The following UNC5D variants were observed in gnomAD, a reference collection of about 807,000 sequenced individuals.
UNC5D encodes the protein netrin receptor UNC5D.
A neutral mutation model predicts 105.4 loss-of-function variants in UNC5D; 39 were observed. The observed-to-expected ratio is 0.37, with a 90% CI of 0.29 to 0.48. The LOEUF (loss-of-function observed/expected upper bound fraction) is 0.48. Ranked by LOEUF, UNC5D falls within the 20% of genes least tolerant of loss-of-function variation. The pLI, the probability that UNC5D is intolerant of heterozygous loss-of-function variation, is 0.98. For synonymous variants in UNC5D, 452 were observed against 450.4 expected (o/e 1.00, Z -0.04); for missense variants, 991 against 1,202.4 (o/e 0.82, Z 2.60).
chr8:35,246,678 C>A lies in UNC5D; in HGVS notation c.103+10791C>A, dbSNP rs559477523. 7.7e-4 allele frequency among the ~76,000 whole-genome samples: 117 copies of A among 152,186 alleles called. 1 individual carries two copies. Among genetic ancestry groups the A allele is most frequent in the Non-Finnish European group, 2.2e-4 (15 of 68,006 alleles). ...TTTTCACGAAGCATCACGACTCCAG[C>A]AAAACTCACAAGATATGGCACTCGG... On this transcript the variant is annotated intron_variant, in intron 1 of 16. Coordinates refer to ENST00000404895, the MANE Select transcript of UNC5D (RefSeq NM_080872.4).
intron 1 of UNC5D, among the ~76,000 whole-genome samples, chr8:35,274,537 G>A (rs1037780657): frequency 1.1e-4 from 16 of 152,128 alleles, no homozygotes; most frequent in Admixed American, 5.9e-4. Flanking sequence ...GACGGCCTGT[G>A]GATTGATGAC....
chr8:35,652,094 G>A (rs1437396224), intron 4 of UNC5D, among the ~76,000 whole-genome samples: 1 of 152,130 alleles, frequency 6.6e-6, no homozygotes, highest in Non-Finnish European at 1.5e-5. Context: ...TATAGAAGTT[G>A]TTATATATGA....
At chr8:35,776,977 C>T (rs561757725) in intron 16 of UNC5D, among the ~76,000 whole-genome samples, 9 of 152,160 alleles carry the variant, frequency 5.9e-5, no homozygotes, top group African/African-American at 9.6e-5. Flanking sequence ...ACAAATTAGC[C>T]GGGTGCGGTG....
At chr8:35,587,528 C>T (rs1214563480) in intron 3 of UNC5D, among the ~76,000 whole-genome samples, 1 of 152,082 alleles carries the variant, frequency 6.6e-6, no homozygotes, top group East Asian at 1.9e-4. Flanking sequence ...CTTCCAGCTG[C>T]CAGAAATATG....
At chr8:35,528,498 A>C (rs1302603489) in intron 1 of UNC5D, among the ~76,000 whole-genome samples, 1 of 146,568 alleles carries the variant, frequency 6.8e-6, no homozygotes, top group Non-Finnish European at 1.5e-5. Context: ...ATAATGCCGC[A>C]ATAAACATAC....
intron 1 of UNC5D, among the ~76,000 whole-genome samples, chr8:35,270,774 G>T (rs1490821432): frequency 6.6e-6 from 1 of 151,988 alleles, no homozygotes; most frequent in African/African-American, 2.4e-5. Flanking sequence ...CCTGCATCAT[G>T]GCCGTTTAAA....
intron 1 of UNC5D, among the ~76,000 whole-genome samples, chr8:35,491,614 T>G (rs555993331): frequency 2.1e-5 from 3 of 145,354 alleles, no homozygotes; most frequent in Admixed American, 1.3e-4. Context: ...GGCAACACTT[T>G]AGAGTGTGTG....
intron 1 of UNC5D, among the ~76,000 whole-genome samples, chr8:35,378,889 C>T (rs1802860176): frequency 6.6e-6 from 1 of 152,130 alleles, no homozygotes. Flanking sequence ...GTCAAATTGC[C>T]TTCTCACTGT....
At chr8:35,581,827 T>C (rs1818484639) in intron 3 of UNC5D, among the ~76,000 whole-genome samples, 1 of 152,114 alleles carries the variant, frequency 6.6e-6, no homozygotes, top group African/African-American at 2.4e-5. Context: ...GTTTCCTGAT[T>C]CAGTAAAGGG....
intron 4 of UNC5D, among the ~76,000 whole-genome samples, chr8:35,643,671 G>T (rs1822885059): frequency 6.6e-6 from 1 of 151,958 alleles, no homozygotes; most frequent in Non-Finnish European, 1.5e-5. Flanking sequence ...TGAGCCACTG[G>T]CCTGGGCTGC....
chr8:35,430,905 C>CAT (rs758960759), intron 1 of UNC5D, among the ~76,000 whole-genome samples: 5 of 152,146 alleles, frequency 3.3e-5, no homozygotes, highest in Non-Finnish European at 7.4e-5. Context: ...ATCACACACA[C>CAT]ATGCATGCAT....
chr8:35,671,750 G>C (rs143289243), intron 4 of UNC5D, among the ~76,000 whole-genome samples: 6 of 152,184 alleles, frequency 3.9e-5, no homozygotes, highest in Admixed American at 3.9e-4. Flanking sequence ...GGGAAACTTG[G>C]ATAGAGTGTC....
intron 13 of UNC5D, among the ~76,000 whole-genome samples, chr8:35,754,094 A>G: frequency 6.6e-6 from 1 of 152,242 alleles, no homozygotes; most frequent in East Asian, 1.9e-4. Context: ...GTTCTATTTT[A>G]GGAAAGCCTT....
chr8:35,723,607 T>C (rs1828704349), intron 9 of UNC5D, among the ~76,000 whole-genome samples: 1 of 151,958 alleles, frequency 6.6e-6, no homozygotes, highest in Non-Finnish European at 1.5e-5. Flanking sequence ...GGTCTCACTA[T>C]GTTGCTCAGG....
At chr8:35,282,422 C>T (rs1166883852) in intron 1 of UNC5D, among the ~76,000 whole-genome samples, 1 of 152,084 alleles carries the variant, frequency 6.6e-6, no homozygotes, top group Non-Finnish European at 1.5e-5. Context: ...TCTTAATACC[C>T]TTTTGTAATT....
intron 1 of UNC5D, among the ~76,000 whole-genome samples, chr8:35,406,144 G>A (rs1489595751): frequency 6.6e-6 from 1 of 152,036 alleles, no homozygotes; most frequent in Non-Finnish European, 1.5e-5. Flanking sequence ...ATAGACTAGC[G>A]ATAACAAACT....
chr8:35,422,612 T>G (rs981456121), intron 1 of UNC5D, among the ~76,000 whole-genome samples: 1 of 152,206 alleles, frequency 6.6e-6, no homozygotes, highest in Non-Finnish European at 1.5e-5. Context: ...AGATAATTAT[T>G]TTTTCATGTG....
chr8:35,526,623 T>C (rs978739492), intron 1 of UNC5D, among the ~76,000 whole-genome samples: 20 of 152,220 alleles, frequency 1.3e-4, no homozygotes, highest in African/African-American at 4.8e-4. Flanking sequence ...TCTTCAAAAT[T>C]ATTTCCAAGC....
At chr8:35,663,334 A>T (rs1243242360) in intron 4 of UNC5D, among the ~76,000 whole-genome samples, 3 of 152,148 alleles carry the variant, frequency 2.0e-5, no homozygotes, top group African/African-American at 2.4e-5. Flanking sequence ...TTCTGTCCTT[A>T]TTCCAATTCA....
Sources: gnomAD v4.1 joint callset for allele counts (sites outside exome capture counted in the v4.1 genomes callset) on GRCh38, gnomAD v4.1.1 for gene constraint, MANE v1.5 for transcripts, NCBI Gene and HGNC (gene_info 2026-07-23, HGNC 2026-07-21) for gene names.